Variants in PTPRD observed in about 807,000 individuals in gnomAD.
PTPRD encodes protein tyrosine phosphatase receptor type D.
PTPRD carries 34 observed loss-of-function variants against 214.5 expected under a neutral mutation model. The ratio of observed to expected loss-of-function variants is 0.16; its 90% CI spans 0.12 to 0.21. The LOEUF is 0.21. Among genes scored for constraint, PTPRD ranks in the 10% least tolerant of loss-of-function variants. PTPRD has a pLI of 1.00. For missense variants in PTPRD, 2,545 were observed against 2,398.7 expected (o/e 1.06, Z -1.27); for synonymous variants, 1,128 against 845.7 (o/e 1.33, Z -5.79).
intron 8 of PTPRD, among the ~76,000 whole-genome samples, chr9:9,515,981 A>G (rs1184993736): frequency 1.3e-5 from 2 of 152,154 alleles, no homozygotes; most frequent in Non-Finnish European, 2.9e-5. Context: ...TCAGATTATT[A>G]TGTGAATGCT....
At chr9:8,625,743 G>C (rs899594114) in intron 14 of PTPRD, among the ~76,000 whole-genome samples, 1 of 151,332 alleles carries the variant, frequency 6.6e-6, no homozygotes, top group Admixed American at 6.6e-5. Flanking sequence ...CAAAGGTAAA[G>C]TTCTAAGAAA....
At chr9:8,622,610 C>G (rs771108821) in intron 14 of PTPRD, among the ~76,000 whole-genome samples, 2 of 151,784 alleles carry the variant, frequency 1.3e-5, no homozygotes, top group African/African-American at 2.4e-5. Flanking sequence ...AGTTTCTTTC[C>G]ATCTTTTTAT....
At chr9:9,883,207 C>G (rs10117031) in intron 5 of PTPRD, among the ~76,000 whole-genome samples, 3,669 of 152,068 alleles carry the variant, frequency 0.024, 56 homozygotes, top group Middle Eastern at 0.044. Flanking sequence ...AAAGATAATA[C>G]ACAAGAAAGA....
At chr9:9,101,675 A>G (rs1376126589) in intron 10 of PTPRD, among the ~76,000 whole-genome samples, 3 of 152,208 alleles carry the variant, frequency 2.0e-5, no homozygotes, top group Admixed American at 6.5e-5. Flanking sequence ...TTGAGGAGCT[A>G]AAGACTTGAG....
intron 11 of PTPRD, among the ~76,000 whole-genome samples, chr9:8,753,394 C>A (rs939358432): frequency 1.3e-5 from 2 of 152,152 alleles, no homozygotes; most frequent in Non-Finnish European, 2.9e-5. Context: ...GCAGGTTCTG[C>A]CGGGGGATAA....
chr9:10,376,484 G>A (rs1320239143), intron 2 of PTPRD, among the ~76,000 whole-genome samples: 1 of 151,402 alleles, frequency 6.6e-6, no homozygotes, highest in Non-Finnish European at 1.5e-5. Flanking sequence ...TTTGTAAGTA[G>A]TAAAAATGTA....
chr9:8,992,636 C>T (rs983779368), intron 11 of PTPRD, among the ~76,000 whole-genome samples: 5 of 152,158 alleles, frequency 3.3e-5, no homozygotes, highest in Non-Finnish European at 7.3e-5. Flanking sequence ...TATACGGCTA[C>T]TTTGAGTCTT....
chr9:8,321,611 A>G (rs1319382865), intron 44 of PTPRD, among the ~76,000 whole-genome samples: 1 of 150,250 alleles, frequency 6.7e-6, no homozygotes, highest in East Asian at 2.0e-4. Flanking sequence ...GAGAACAGGC[A>G]CACATAACAC....
Position 10,415,823 on chromosome 9 carries a change from G to A in PTPRD, c.-599-74806C>T, listed in dbSNP as rs556585157. Among the ~76,000 whole-genome samples the A allele has an allele frequency of 2.0e-5, 3 of 151,846 alleles. No individual in the cohort carries two copies. The East Asian group carries it at 5.9e-4, about 30-fold the overall frequency. On this transcript the variant is annotated intron_variant, in intron 2 of 45. Transcript: ENST00000381196. ...ATTTTTACAGAAAAAGAGGGCATGA[G>A]AATATCATAAGGACATTTTTAAAAC...
chr9:10,297,262 T>C (rs1216138483), intron 3 of PTPRD, among the ~76,000 whole-genome samples: 4 of 151,848 alleles, frequency 2.6e-5, no homozygotes, highest in Non-Finnish European at 4.4e-5. Flanking sequence ...ATTTAATTTG[T>C]GGCACCATCT....
intron 10 of PTPRD, among the ~76,000 whole-genome samples, chr9:9,093,499 C>A (rs148658072): frequency 6.6e-6 from 1 of 151,922 alleles, no homozygotes; most frequent in African/African-American, 2.4e-5. Flanking sequence ...CTGGTTATAA[C>A]ATATTCAAGC....
At chr9:10,097,176 C>T (rs1323409800) in intron 3 of PTPRD, among the ~76,000 whole-genome samples, 1 of 144,650 alleles carries the variant, frequency 6.9e-6, no homozygotes, top group Admixed American at 6.9e-5. Context: ...TAACAGGATG[C>T]CTCCAGCTTT....
chr9:9,910,467 T>C (rs374062724), intron 5 of PTPRD, among the ~76,000 whole-genome samples: 2 of 152,150 alleles, frequency 1.3e-5, no homozygotes, highest in East Asian at 3.9e-4. Flanking sequence ...AGAAATGTAT[T>C]CTTGAAGGAT....
chr9:9,791,858 G>C (rs1181029258), intron 5 of PTPRD, among the ~76,000 whole-genome samples: 1 of 151,960 alleles, frequency 6.6e-6, no homozygotes, highest in Non-Finnish European at 1.5e-5. Context: ...GCCATCTTCT[G>C]GTTATCTTGT....
intron 8 of PTPRD, among the ~76,000 whole-genome samples, chr9:9,544,964 T>TTGC: frequency 6.6e-6 from 1 of 151,750 alleles, no homozygotes; most frequent in South Asian, 2.1e-4. Context: ...AAATCTCATC[T>TTGC]TGTTGTTCTT....
chr9:8,358,440 G>A (rs1035841774), intron 39 of PTPRD, among the ~76,000 whole-genome samples: 2 of 152,136 alleles, frequency 1.3e-5, no homozygotes, highest in Non-Finnish European at 2.9e-5. Context: ...GAACCAGGCT[G>A]GCAAACAAAA....
At chr9:9,281,810 C>T (rs1947791645) in intron 9 of PTPRD, among the ~76,000 whole-genome samples, 1 of 149,170 alleles carries the variant, frequency 6.7e-6, no homozygotes, top group African/African-American at 2.5e-5. Flanking sequence ...ATATTCGTAA[C>T]AGCTTTGCTC....
At chr9:8,662,290 A>T (rs118010190) in intron 12 of PTPRD, among the ~76,000 whole-genome samples, 37 of 152,262 alleles carry the variant, frequency 2.4e-4, no homozygotes, top group Non-Finnish European at 4.4e-4. Context: ...AAACGGGGTC[A>T]CTGCTATGTT....
At chr9:9,621,044 G>C (rs1162946987) in intron 7 of PTPRD, among the ~76,000 whole-genome samples, 1 of 152,142 alleles carries the variant, frequency 6.6e-6, no homozygotes, top group Non-Finnish European at 1.5e-5. Context: ...GCAGGGGTTA[G>C]TCTGCAGTGG....
Sources: gnomAD v4.1 joint callset for allele counts (sites outside exome capture counted in the v4.1 genomes callset) on GRCh38, gnomAD v4.1.1 for gene constraint, MANE v1.5 for transcripts, NCBI Gene and HGNC (gene_info 2026-07-23, HGNC 2026-07-21) for gene names.